CTXND2: variants seen among roughly 807,000 people sequenced by gnomAD.
The protein encoded by CTXND2 is cortexin domain containing 2.
At chr1:150,909,256 A>AG (rs34273385) in intron 1 of CTXND2, among the ~76,000 whole-genome samples, 2 of 149,404 alleles carry the variant, frequency 1.3e-5, no homozygotes, top group African/African-American at 4.9e-5. Flanking sequence ...AAAAAAAAAA[A>AG]GTACAAAAGT....
intron 1 of CTXND2, among the ~76,000 whole-genome samples, chr1:150,900,205 G>A (rs757702006): frequency 4.6e-5 from 7 of 152,028 alleles, no homozygotes; most frequent in Non-Finnish European, 1.0e-4. Flanking sequence ...AATACTCACC[G>A]TGAAGGTCTG....
chr1:150,909,921 C>G (rs1349642855), intron 1 of CTXND2, among the ~76,000 whole-genome samples: 1 of 152,050 alleles, frequency 6.6e-6, no homozygotes, highest in Non-Finnish European at 1.5e-5. Flanking sequence ...AACAGGAACT[C>G]AGGAGGCCAA....
chr1:150,888,075 A>C (rs1252617247), intron 1 of CTXND2, among the ~76,000 whole-genome samples: 1 of 151,886 alleles, frequency 6.6e-6, no homozygotes, highest in African/African-American at 2.4e-5. Flanking sequence ...CACTTAAAAA[A>C]AATTCTAAGA....
intron 1 of CTXND2, among the ~76,000 whole-genome samples, chr1:150,899,606 T>A (rs948614126): frequency 6.6e-6 from 1 of 152,026 alleles, no homozygotes; most frequent in Admixed American, 6.6e-5. Flanking sequence ...AAGACAAAAA[T>A]AAATTTCATT....
chr1:150,902,738 G>A (rs1480591597), intron 1 of CTXND2, among the ~76,000 whole-genome samples: 3 of 151,850 alleles, frequency 2.0e-5, no homozygotes, highest in Non-Finnish European at 2.9e-5. Flanking sequence ...AATAGTAGGG[G>A]AAAAAACTCT....
At chr1:150,899,097 C>T (rs1399615548) in intron 1 of CTXND2, among the ~76,000 whole-genome samples, 1 of 119,816 alleles carries the variant, frequency 8.3e-6, no homozygotes, top group Non-Finnish European at 1.7e-5. Flanking sequence ...GACTCCGTCT[C>T]AAATAAATAA....
At chr1:150,900,787 A>G (rs1396219502) in intron 1 of CTXND2, among the ~76,000 whole-genome samples, 1 of 152,234 alleles carries the variant, frequency 6.6e-6, no homozygotes, top group Non-Finnish European at 1.5e-5. Context: ...CAATAGAAAA[A>G]GAGACAAAAT....
At chr1:150,902,139 C>G (rs1309510063) in intron 1 of CTXND2, among the ~76,000 whole-genome samples, 3 of 151,416 alleles carry the variant, frequency 2.0e-5, no homozygotes, top group African/African-American at 7.3e-5. Context: ...CCGTGGCTCA[C>G]GCCTGTAATC....
intron 1 of CTXND2, among the ~76,000 whole-genome samples, chr1:150,904,386 T>C (rs1558001475): frequency 6.6e-6 from 1 of 152,216 alleles, no homozygotes; most frequent in Non-Finnish European, 1.5e-5. Context: ...ATGAATATGT[T>C]CAGTTTTTGA....
chr1:150,902,682 C>G (rs1023193827), intron 1 of CTXND2, among the ~76,000 whole-genome samples: 2 of 151,776 alleles, frequency 1.3e-5, no homozygotes, highest in South Asian at 4.2e-4. Flanking sequence ...TTGTATAGTT[C>G]TGGTAACTAT....
chr1:150,905,988 T>C (rs1262289874), intron 1 of CTXND2, among the ~76,000 whole-genome samples: 1 of 144,254 alleles, frequency 6.9e-6, no homozygotes, highest in South Asian at 2.2e-4. Context: ...AGACTCCATC[T>C]CAAAAAAAAA....
At chr1:150,888,621 G>A (rs993026066) in intron 1 of CTXND2, among the ~76,000 whole-genome samples, 20 of 151,882 alleles carry the variant, frequency 1.3e-4, no homozygotes, top group African/African-American at 4.6e-4. Context: ...ATGAAAATGA[G>A]TAAAAAATAT....
At chr1:150,900,110 C>G (rs932243633) in intron 1 of CTXND2, among the ~76,000 whole-genome samples, 1 of 152,144 alleles carries the variant, frequency 6.6e-6, no homozygotes, top group Non-Finnish European at 1.5e-5. Context: ...TCCCTTTCCA[C>G]CGTGTGGAGG....
chr1:150,906,944 C>G (rs1461319669), intron 1 of CTXND2, among the ~76,000 whole-genome samples: 1 of 152,194 alleles, frequency 6.6e-6, no homozygotes, highest in Non-Finnish European at 1.5e-5. Context: ...AAACTACAAA[C>G]ATCCTTCACT....
At chr1:150,891,936 C>A (rs1668856140) in intron 1 of CTXND2, among the ~76,000 whole-genome samples, 1 of 152,112 alleles carries the variant, frequency 6.6e-6, no homozygotes, top group Admixed American at 6.6e-5. Context: ...TCAGGAAGTA[C>A]AGATTTTTTT....
At chr1:150,903,971 A>T in intron 1 of CTXND2, 1 of 647,080 alleles carries the variant, frequency 1.5e-6, no homozygotes, top group East Asian at 3.4e-5. Context: ...AAAGGGAGGC[A>T]AGCACAAGAC....
intron 1 of CTXND2, among the ~76,000 whole-genome samples, chr1:150,901,461 A>T (rs1229215078): frequency 6.6e-6 from 1 of 152,230 alleles, no homozygotes; most frequent in Non-Finnish European, 1.5e-5. Context: ...AAATGAAGAA[A>T]GGTGGGGTGC....
rs185757708 is a variant in CTXND2 at position 150,898,654 on chromosome 1, A to C, written c.-74+11341A>C. On this transcript the variant is annotated intron_variant, in intron 1 of 1. Coordinates refer to ENST00000636087, the Ensembl canonical transcript of CTXND2. ...GCCTGTAGTCCCAGCTACTCAGGAA[A>C]CTGAGGCAGAAGAATTGCTCGAACC... is the stretch of plus-strand genomic sequence containing the variant. Among the ~76,000 whole-genome samples, 3 of 150,782 alleles carry C rather than the reference A, an allele frequency of 2.0e-5. No homozygotes were observed. The East Asian group carries it at 5.9e-4, about 29-fold the overall frequency.
At chr1:150,907,002 A>C (rs1187601708) in intron 1 of CTXND2, among the ~76,000 whole-genome samples, 1 of 152,220 alleles carries the variant, frequency 6.6e-6, no homozygotes, top group Non-Finnish European at 1.5e-5. Context: ...ACCTACTCAC[A>C]GTTGGCCACA....
Sources: allele counts gnomAD v4.1 joint callset (sites outside exome capture counted in the v4.1 genomes callset), GRCh38; gene constraint gnomAD v4.1.1; transcripts MANE v1.5; gene names NCBI Gene and HGNC (gene_info 2026-07-23, HGNC 2026-07-21).